IQGAP2: variants seen among roughly 807,000 people sequenced by gnomAD.
IQGAP2 encodes IQ motif containing GTPase activating protein 2, also known as ras GTPase-activating-like protein IQGAP2.
In IQGAP2, 173 loss-of-function variants were observed where a neutral mutation model predicts 201.3. The observed-to-expected ratio is 0.86, with a 90% CI of 0.76 to 0.98. The LOEUF is 0.98. IQGAP2 is among the 50% of genes least tolerant of loss of function. The pLI, the probability that IQGAP2 is intolerant of heterozygous loss-of-function variation, is 0.00. For missense variants in IQGAP2, 1,687 were observed against 1,864.8 expected, an observed-to-expected ratio of 0.90 and a Z score of 1.76; for synonymous variants, 675 against 673.9, an observed-to-expected ratio of 1.00 and a Z score of -0.03.
chr5:76,466,859 T>C (rs553506725), intron 2 of IQGAP2, among the ~76,000 whole-genome samples: 60 of 152,302 alleles, frequency 3.9e-4, no homozygotes, highest in African/African-American at 1.4e-3. Flanking sequence ...AATTAGACAT[T>C]ATAAAAACTG....
intron 1 of IQGAP2, among the ~76,000 whole-genome samples, chr5:76,426,931 T>TGTGTGTGTGTGTGTGTGA (rs1437229439): frequency 2.0e-5 from 3 of 151,824 alleles, no homozygotes; most frequent in South Asian, 4.2e-4. Flanking sequence ...TGTGTGTGTG[T>TGTGTGTGTGTGTGTGTGA]GTGTGAGTGT....
chr5:76,673,660 C>G, intron 25 of IQGAP2, 71 bp downstream of exon 25: 1 of 1,495,800 alleles, frequency 6.7e-7, no homozygotes, highest in South Asian at 1.2e-5. Context: ...AAAATAAGCC[C>G]CTGTAGTGAA....
chr5:76,564,988 T>A (rs540216133), intron 3 of IQGAP2, among the ~76,000 whole-genome samples: 1 of 152,372 alleles, frequency 6.6e-6, no homozygotes, highest in South Asian at 2.1e-4. Flanking sequence ...TTTTTTTCTT[T>A]ATTAAATCCC....
intron 28 of IQGAP2, among the ~76,000 whole-genome samples, chr5:76,681,092 A>G (rs1426161620): frequency 3.7e-4 from 52 of 140,660 alleles, no homozygotes; most frequent in African/African-American, 1.3e-3. Flanking sequence ...TTTGTCTCAA[A>G]AAAAAAAAAA....
chr5:76,706,533 A>G (rs1333574798), intron 35 of IQGAP2, among the ~76,000 whole-genome samples: 1 of 151,924 alleles, frequency 6.6e-6, no homozygotes, highest in Non-Finnish European at 1.5e-5. Flanking sequence ...TTTTTAGTAG[A>G]GATGGGGTTT....
intron 2 of IQGAP2, among the ~76,000 whole-genome samples, chr5:76,492,138 C>A (rs144172399): frequency 6.6e-6 from 1 of 152,150 alleles, no homozygotes; most frequent in Non-Finnish European, 1.5e-5. Context: ...AAAAGGGATT[C>A]GGAGAAGTTT....
intron 21 of IQGAP2, among the ~76,000 whole-genome samples, chr5:76,661,865 A>G (rs987251983): frequency 6.6e-6 from 1 of 152,192 alleles, no homozygotes; most frequent in African/African-American, 2.4e-5. Flanking sequence ...TTTATATCAT[A>G]GCATACTACC....
chr5:76,492,854 G>T (rs1290624241), intron 2 of IQGAP2, among the ~76,000 whole-genome samples: 1 of 152,164 alleles, frequency 6.6e-6, no homozygotes. Flanking sequence ...TGAGGAGAAA[G>T]GGGCATGAAA....
At chr5:76,614,569 T>C (rs962363227) in intron 13 of IQGAP2, among the ~76,000 whole-genome samples, 1 of 151,512 alleles carries the variant, frequency 6.6e-6, no homozygotes, top group Admixed American at 6.6e-5. Flanking sequence ...TTCTGTTGTT[T>C]GGCAATGTCT....
chr5:76,648,405 A>G (rs542717314), intron 17 of IQGAP2, among the ~76,000 whole-genome samples: 1 of 152,320 alleles, frequency 6.6e-6, no homozygotes, highest in East Asian at 1.9e-4. Flanking sequence ...CACCTAAAAC[A>G]GTAGGATTAA....
In IQGAP2 at chr5:76,424,085, CAGTT is replaced by C. The variant is rs1317323521; in HGVS notation, c.46+20497_46+20500del. Reference sequence around the variant, plus strand: ...GACTTTCTGAAATATATCCATAACTCAGTTAGGAATATCCACTTTCTATTTTTTG... The same window carrying C: ...GACTTTCTGAAATATATCCATAACTCAGGAATATCCACTTTCTATTTTTTG... On this transcript the variant is annotated intron_variant, in intron 1 of 35. Transcript: ENST00000274364. Among the ~76,000 whole-genome samples, 10 of 152,256 alleles carry C rather than the reference CAGTT, an allele frequency of 6.6e-5. No homozygotes were observed. The South Asian group carries it at 2.1e-3, about 32-fold the overall frequency.
At chr5:76,521,773 T>C (rs1419942218) in intron 2 of IQGAP2, among the ~76,000 whole-genome samples, 1 of 152,218 alleles carries the variant, frequency 6.6e-6, no homozygotes, top group Non-Finnish European at 1.5e-5. Flanking sequence ...GAGGGCTTGT[T>C]AGAACACAGA....
intron 2 of IQGAP2, among the ~76,000 whole-genome samples, chr5:76,485,471 C>G (rs1206997447): frequency 1.3e-5 from 2 of 152,124 alleles, no homozygotes; most frequent in Non-Finnish European, 2.9e-5. Context: ...TTTTTTCCCC[C>G]CTTGGTTATA....
intron 34 of IQGAP2, among the ~76,000 whole-genome samples, chr5:76,702,268 T>C (rs1182818102): frequency 6.6e-6 from 1 of 152,204 alleles, no homozygotes; most frequent in Non-Finnish European, 1.5e-5. Flanking sequence ...ATGTCAGAAC[T>C]CTATGAGCTA....
chr5:76,438,018 T>G (rs10474473), intron 1 of IQGAP2, among the ~76,000 whole-genome samples: 2,047 of 44,040 alleles, frequency 0.046, 27 homozygotes, highest in South Asian at 0.088. Flanking sequence ...GTTTTTTTTT[T>G]TTTTTTTTTT....
intron 2 of IQGAP2, among the ~76,000 whole-genome samples, chr5:76,471,730 T>C (rs1755122880): frequency 1.3e-5 from 2 of 152,110 alleles, no homozygotes; most frequent in Admixed American, 6.6e-5. Context: ...GAGAATCTTC[T>C]GACTGGGGAA....
At chr5:76,576,329 G>A (rs758485857) in intron 5 of IQGAP2, among the ~76,000 whole-genome samples, 22 of 152,154 alleles carry the variant, frequency 1.4e-4, no homozygotes, top group Non-Finnish European at 2.5e-4. Context: ...TTATTTTAAA[G>A]CAATTGTTCA....
chr5:76,481,745 A>G (rs1490868581), intron 2 of IQGAP2, among the ~76,000 whole-genome samples: 4 of 152,202 alleles, frequency 2.6e-5, no homozygotes, highest in Non-Finnish European at 5.9e-5. Context: ...AGTCTTTACT[A>G]ACTGATGTGT....
In IQGAP2 at chr5:76,674,966, A is replaced by C. The variant is rs185909945; in HGVS notation, c.3527+257A>C. On this transcript the variant is annotated intron_variant, in intron 27 of 35. Transcript: ENST00000274364. Reference sequence around the variant, plus strand: ...TCTGTGTGTATTATTTCTGCTGCTGACAAAATGGCATACTTGTTCTTCCTT... The same window carrying C: ...TCTGTGTGTATTATTTCTGCTGCTGCCAAAATGGCATACTTGTTCTTCCTT... Among the ~76,000 whole-genome samples the C allele has an allele frequency of 2.6e-5, 4 of 152,328 alleles. No individual in the cohort carries two copies. The East Asian group carries it at 5.8e-4, about 22-fold the overall frequency.
Sources: gnomAD v4.1 joint callset for allele counts (sites outside exome capture counted in the v4.1 genomes callset) on GRCh38, gnomAD v4.1.1 for gene constraint, MANE v1.5 for transcripts, NCBI Gene and HGNC (gene_info 2026-07-23, HGNC 2026-07-21) for gene names.